Variants in FLNA observed in about 807,000 individuals in gnomAD.
FLNA encodes the protein filamin A.
FLNA carries 7 observed loss-of-function variants against 157.6 expected under a neutral mutation model. The ratio of observed to expected loss-of-function variants is 0.04; its 90% CI spans 0.03 to 0.08. FLNA has a LOEUF of 0.08. Among genes scored for constraint, FLNA ranks in the 10% least tolerant of loss-of-function variants. The pLI, the probability that FLNA is intolerant of heterozygous loss-of-function variation, is 1.00. For synonymous variants in FLNA, 1,103 were observed against 1,060.8 expected, an observed-to-expected ratio of 1.04 and a Z score of -0.77; for missense variants, 1,750 against 2,398.4, an observed-to-expected ratio of 0.73 and a Z score of 5.65.
intron 1 of FLNA, among the ~76,000 whole-genome samples, 182 bp from the exon 2 acceptor site, chrX:154,371,543 G>C (rs975794782): frequency 7.1e-5 from 8 of 112,547 alleles, no homozygotes; most frequent in African/African-American, 2.3e-4. Context: ...CGGGCTCCAG[G>C]GTGGGTCGCT....
In FLNA at chrX:154,364,148, A is replaced by G. The variant is rs1384106114; in HGVS notation, c.2154T>C (p.Pro718=). ...RVQVQDNEGC[P]VEALVKDNGN... is the part of the protein sequence containing the mutation. ...CGTTGTCCTTGACCAACGCCTCCAC[A>G]GGGCAGCCTTCATTGTCCTGTCAGG... The change falls in exon 15 of 48, where the codon CCT becomes CCC. Residue 718 remains proline (P), a synonymous_variant. Transcript: ENST00000369850. 5 of 1,209,536 alleles carry G rather than the reference A, an allele frequency of 4.1e-6. No homozygotes were observed. The highest frequency in any genetic ancestry group is 1.8e-5 in the African/African-American group (1 of 57,100).
intron 9 of FLNA, 59 bp from the exon 10 acceptor site, chrX:154,365,545 C>A: frequency 8.5e-7 from 1 of 1,177,957 alleles, no homozygotes; most frequent in Non-Finnish European, 1.1e-6. Flanking sequence ...CCTCCCTTGC[C>A]TCCCACAGGG....
At chrX:154,372,594 G>A (rs782588221) in intron 1 of FLNA, among the ~76,000 whole-genome samples, 60 of 110,856 alleles carry the variant, frequency 5.4e-4, no homozygotes, top group African/African-American at 1.8e-3. Context: ...CTGGGACCAG[G>A]GGACGGCTGG....
chrX:154,368,819 G>A (rs781882158), intron 2 of FLNA, among the ~76,000 whole-genome samples: 49 of 113,224 alleles, frequency 4.3e-4, no homozygotes, highest in Non-Finnish European at 8.3e-4. Flanking sequence ...GGCCCATCGG[G>A]AGATGCCGGG....
Position 154,368,098 on chromosome X carries a change from T to C in FLNA, c.374-8A>G, listed in dbSNP as rs782101536. 2 of 1,210,155 alleles carry C rather than the reference T, an allele frequency of 1.7e-6. No homozygotes were observed. The highest frequency in any genetic ancestry group is 4.3e-5 in the Admixed American group (2 of 46,020). ...CCACGATGGCCTTGCTGTCTGTGAG[T>C]AGAAGAGTGGCCACGCTGGGCACAC... is the stretch of plus-strand genomic sequence containing the variant. On this transcript the variant is annotated splice_region_variant and splice_polypyrimidine_tract_variant and intron_variant, in intron 2 of 47. Transcript: ENST00000369850.
In FLNA at chrX:154,353,381, A is replaced by G; in HGVS notation, c.5937T>C (p.Asp1979=). 1 of 1,211,621 alleles carries G rather than the reference A, an allele frequency of 8.3e-7. No homozygotes were observed. Among genetic ancestry groups the G allele is most frequent in the Non-Finnish European group, 1.1e-6 (1 of 895,505 alleles). Residue 1979 remains aspartate (D), a synonymous_variant, in exon 37 of 48, where the codon GAT becomes GAC. Transcript: ENST00000369850. ...ADIPINISET[D]LSLLTATVVP... ...CCACAGTGGCCGTCAGCAGGCTGAGATCCGTCTCTGAGATGTTGATGGGGA... is the reference window on the plus strand; with the variant it reads ...CCACAGTGGCCGTCAGCAGGCTGAGGTCCGTCTCTGAGATGTTGATGGGGA...
Position 154,371,334 on chromosome X carries a change from G to GGAGGC in FLNA, c.-94_-90dup. On this transcript the variant is annotated 5_prime_UTR_variant, in exon 2 of 48. Transcript: ENST00000369850. ...AAAGTCGCAGGCACCTAGGCGCGCG[G>GGAGGC]GAGGCGAGGCAGGGAGCAGAGGTTG... 9.2e-7 allele frequency: 1 copy of GGAGGC among 1,092,688 alleles called. No individual in the cohort carries two copies. Among genetic ancestry groups the GGAGGC allele is most frequent in the Non-Finnish European group, 1.2e-6 (1 of 815,186 alleles). The allele number at this position is 1,092,688 out of a possible 1,213,427, so 90.0% of individuals were successfully genotyped here.
intron 30 of FLNA, among the ~76,000 whole-genome samples, chrX:154,356,181 C>T (rs981872021): frequency 9.8e-5 from 11 of 112,244 alleles, no homozygotes; most frequent in South Asian, 7.4e-4. Context: ...TTTCCCTGCC[C>T]GGCTCCCAGC....
In FLNA at chrX:154,352,845, G is replaced by A. The variant is rs1557176057; in HGVS notation, c.6306C>T (p.Cys2102=). The change falls in exon 39 of 48, where the codon TGC becomes TGT. Residue 2102 remains cysteine, a synonymous_variant. Coordinates refer to ENST00000369850, the MANE Select transcript of FLNA (RefSeq NM_001110556.2). ...GCTCTGTGGGGCAGTAGGTGACCCT[G>A]CACGTCCCGTCCTCCAGGTCCTCTG... ...INTEDLEDGT[C]RVTYCPTEPG... is the part of the protein sequence containing the mutation. 5.0e-6 allele frequency: 6 copies of A among 1,209,848 alleles called. No homozygotes were observed. Among genetic ancestry groups the A allele is most frequent in the African/African-American group, 3.5e-5 (2 of 57,289 alleles).
At position 154,364,123 on chromosome X, in the gene FLNA, C is replaced by T. The variant is rs1460177575; in HGVS notation, c.2179G>A (p.Gly727Ser). The change falls in exon 15 of 48, where the codon GGC becomes AGC. Residue 727 changes from glycine to serine, a missense_variant. By Grantham distance (56) the Gly-to-Ser change is moderately conservative. Coordinates refer to ENST00000369850, the MANE Select transcript of FLNA (RefSeq NM_001110556.2). ...TAGGAGCAGCTGTAAGTGCCATTGCCGTTGTCCTTGACCAACGCCTCCACA... is the reference window on the plus strand; with the variant it reads ...TAGGAGCAGCTGTAAGTGCCATTGCTGTTGTCCTTGACCAACGCCTCCACA... ...CPVEALVKDN[G>S]NGTYSCSYVP... The T allele has an allele frequency of 9.1e-6, 11 of 1,209,549 alleles. No homozygotes were observed. The highest frequency in any genetic ancestry group is 3.5e-5 in the African/African-American group (2 of 57,200).
At position 154,350,781 on chromosome X, in the gene FLNA, G is replaced by C. The variant is rs184827053; in HGVS notation, c.7156+128C>G. 5,440 of 751,657 alleles carry C rather than the reference G, an allele frequency of 7.2e-3. 22 individuals are homozygous for C. The highest frequency in any genetic ancestry group is 0.017 in the South Asian group (760 of 44,745). The allele number at this position is 751,657 out of a possible 1,213,427, so 61.9% of individuals were successfully genotyped here. On this transcript the variant is annotated intron_variant, in intron 44 of 47. Transcript: ENST00000369850. ...TTGGGTCACCAATTGGGAAAGGGTT[G>C]CCTGGCTTAGGGGGCCCAGGAGTTG...
rs782653547 is a variant in FLNA at position 154,365,433 on chromosome X, C to A, written c.1483G>T (p.Val495Leu). ...AVGRGLQPKG[V>L]RVKETADFKV... ...AAGTCAGCTGTCTCCTTCACCCGCA[C>A]ACCCTTGGGCTGGAGGCCCCGGCCA... The change falls in exon 10 of 48, where the codon GTG becomes TTG. Residue 495 changes from valine (V) to leucine (L), a missense_variant. Val to Leu is a conservative substitution (Grantham distance 32). Transcript: ENST00000369850. 4 of 1,211,709 alleles carry A rather than the reference C, an allele frequency of 3.3e-6. No individual in the cohort carries two copies. In the South Asian group the frequency reaches 5.3e-5, roughly 16 times the overall value.
chrX:154,369,895 G>A (rs2067792226), intron 2 of FLNA, among the ~76,000 whole-genome samples: 3 of 112,273 alleles, frequency 2.7e-5, no homozygotes, highest in South Asian at 3.6e-4. Context: ...GTTCAGCAAG[G>A]GCCATTCCAG....
intron 1 of FLNA, among the ~76,000 whole-genome samples, chrX:154,373,331 G>A (rs1440530774): frequency 8.9e-6 from 1 of 112,201 alleles, no homozygotes; most frequent in Non-Finnish European, 1.9e-5. Context: ...AGTGACCAGT[G>A]GTCAATTCCA....
rs1205795631 is a variant in FLNA at position 154,365,243 on chromosome X, C to T, written c.1584G>A (p.Val528=). The stretch of plus-strand genomic sequence containing the variant: ...CGCCATCCCCCAGGTCCTTCTGCTT[C>T]ACGCGCTCCTCTCCCTCTGCCAAGA... ...TVKGPKGEER[V]KQKDLGDGVY... The change falls in exon 11 of 48, where the codon GTG becomes GTA. Residue 528 remains valine, a synonymous_variant. Transcript: ENST00000369850. The T allele has an allele frequency of 8.3e-7, 1 of 1,210,678 alleles. No homozygotes were observed. The highest frequency in any genetic ancestry group is 1.7e-5 in the African/African-American group (1 of 57,556).
rs1321268094 is a variant in FLNA at position 154,352,536 on chromosome X, C to A, written c.6502+17G>T. The A allele has an allele frequency of 7.4e-6, 9 of 1,210,467 alleles. No homozygotes were observed. Among genetic ancestry groups the A allele is most frequent in the Admixed American group, 2.2e-5 (1 of 46,007 alleles). ...TTGAGCCCCAGGACCCCTCCCCAGG[C>A]TTCCCACAGCCCCTACCAGGGATTT... On this transcript the variant is annotated intron_variant, in intron 40 of 47. Coordinates refer to ENST00000369850, the MANE Select transcript of FLNA (RefSeq NM_001110556.2).
intron 26 of FLNA, 71 bp from the exon 27 acceptor site, chrX:154,358,639 C>T: frequency 8.8e-6 from 10 of 1,135,269 alleles, no homozygotes; most frequent in Admixed American, 2.2e-5. Flanking sequence ...CCACACTGGA[C>T]GGCCAGGACC....
rs1557178396 is a variant in FLNA at position 154,362,804 on chromosome X, G to A, written c.2281-20C>T. 8.4e-7 allele frequency: 1 copy of A among 1,189,301 alleles called. No homozygotes were observed. Among genetic ancestry groups the A allele is most frequent in the Non-Finnish European group, 1.1e-6 (1 of 883,999 alleles). ...ATTCACCTGCAGGGCACAGGGGCAA[G>A]GGCAAGGGCATGAGCAGCCTGGAGG... On this transcript the variant is annotated intron_variant, in intron 15 of 47. Transcript: ENST00000369850.
At chrX:154,373,069 G>A (rs1397616622) in intron 1 of FLNA, among the ~76,000 whole-genome samples, 2 of 111,483 alleles carry the variant, frequency 1.8e-5, no homozygotes, top group Non-Finnish European at 1.9e-5. Flanking sequence ...CACCAAGTGC[G>A]CCTGGGCGTC....
Sources: allele counts gnomAD v4.1 joint callset (sites outside exome capture counted in the v4.1 genomes callset), GRCh38; gene constraint gnomAD v4.1.1; transcripts MANE v1.5; gene names NCBI Gene and HGNC (gene_info 2026-07-23, HGNC 2026-07-21).